WDR4: variants seen among roughly 807,000 people sequenced by gnomAD.
The protein encoded by WDR4 is WDR4 tRNA N7-guanosine methyltransferase non-catalytic subunit, also known as tRNA (guanine-N(7)-)-methyltransferase non-catalytic subunit WDR4.
A neutral mutation model predicts 48.6 loss-of-function variants in WDR4; 47 were observed. The observed-to-expected ratio is 0.97, with a 90% confidence interval of 0.77 to 1.23. The LOEUF (loss-of-function observed/expected upper bound fraction) is 1.23. Ranked by LOEUF, WDR4 falls within the 50% of genes most tolerant of loss-of-function variation. The pLI, the probability that WDR4 is intolerant of heterozygous loss-of-function variation, is 0.00. For synonymous variants in WDR4, 268 were observed against 230.0 expected, an observed-to-expected ratio of 1.17 and a Z score of -1.49; for missense variants, 606 against 551.6, an observed-to-expected ratio of 1.10 and a Z score of -0.99.
intron 1 of WDR4, chr21:42,879,163 T>C: frequency 7.7e-7 from 1 of 1,306,366 alleles, no homozygotes; most frequent in Admixed American, 3.6e-5. Context: ...AGACCAGCCA[T>C]CTAGTGCAAG....
intron 9 of WDR4, among the ~76,000 whole-genome samples, chr21:42,853,071 CG>C (rs2057878192): frequency 6.6e-6 from 1 of 152,164 alleles, no homozygotes; most frequent in Non-Finnish European, 1.5e-5. Flanking sequence ...GGGTTCGCCC[CG>C]TCCCCCAGCA....
intron 6 of WDR4, among the ~76,000 whole-genome samples, chr21:42,857,768 G>T (rs896057285): frequency 1.3e-5 from 2 of 151,150 alleles, no homozygotes; most frequent in African/African-American, 4.9e-5. Flanking sequence ...ATTCCTAAAG[G>T]AGTAGAAATA....
At chr21:42,878,958 T>G (rs772812705) in intron 1 of WDR4, 6 of 991,686 alleles carry the variant, frequency 6.1e-6, no homozygotes, top group Non-Finnish European at 7.2e-6. Context: ...TGGAGGTCAG[T>G]GAGCTCGCAG....
chr21:42,863,447 A>G lies in WDR4; in HGVS notation c.446T>C (p.Leu149Ser). ...ACCACGTCCCCCACCTACCACATCT[A>G]ACAGCATAGACAGGTGCCCCAGCTC... ...RLELGHLSML[L>S]DVAVSPDDRF... Residue 149 changes from leucine (L) to serine (S), a missense_variant, in exon 4 of 11, where the codon TTA becomes TCA. Physicochemically the swap from Leu to Ser is moderately radical, Grantham distance 145 (BLOSUM62 -2). Transcript: ENST00000398208. 6.2e-7 allele frequency: 1 copy of G among 1,610,556 alleles called. No homozygotes were observed. Among genetic ancestry groups the G allele is most frequent in the Non-Finnish European group, 8.5e-7 (1 of 1,178,034 alleles).
intron 9 of WDR4, 21 bp downstream of exon 9, chr21:42,853,548 C>G: frequency 6.2e-6 from 10 of 1,600,002 alleles, no homozygotes; most frequent in Non-Finnish European, 8.5e-6. Context: ...CATAGGACAT[C>G]TGGAAGGTGC....
At chr21:42,877,051 A>G (rs1025938836) in intron 1 of WDR4, among the ~76,000 whole-genome samples, 1 of 151,558 alleles carries the variant, frequency 6.6e-6, no homozygotes, top group African/African-American at 2.4e-5. Context: ...CCCCAACCTC[A>G]GGTGATCCAC....
At chr21:42,892,528 C>CTG in the WDR4 span, among the ~76,000 whole-genome samples, 2 of 147,564 alleles carry the variant, frequency 1.4e-5, no homozygotes, top group Middle Eastern at 6.8e-3. Flanking sequence ...ATTTAAATGA[C>CTG]TGTGGCAGGG....
chr21:42,874,028 A>G (rs533027654), intron 2 of WDR4, among the ~76,000 whole-genome samples: 1 of 152,238 alleles, frequency 6.6e-6, no homozygotes, highest in Non-Finnish European at 1.5e-5. Flanking sequence ...AACAATACTA[A>G]TAACAGGCCA....
upstream of WDR4, chr21:42,879,880 A>G (rs2058593095): frequency 2.5e-6 from 1 of 400,900 alleles, no homozygotes; most frequent in Non-Finnish European, 4.4e-6. Flanking sequence ...ATGATCCTTC[A>G]AGAAGTGAAT....
intron 3 of WDR4, among the ~76,000 whole-genome samples, chr21:42,872,797 C>T (rs1184368347): frequency 6.6e-6 from 1 of 151,854 alleles, no homozygotes; most frequent in South Asian, 2.1e-4. Flanking sequence ...ATTAGCCGGG[C>T]ATGGTGGCAA....
At chr21:42,878,978 C>T (rs2058565106) in intron 1 of WDR4, 3 of 999,360 alleles carry the variant, frequency 3.0e-6, no homozygotes, top group Non-Finnish European at 2.4e-6. Context: ...GTGAGTAAGC[C>T]CCTCCCTTCT....
At chr21:42,875,294 G>A (rs1023537944) in intron 2 of WDR4, among the ~76,000 whole-genome samples, 7 of 152,084 alleles carry the variant, frequency 4.6e-5, no homozygotes, top group African/African-American at 1.7e-4. Flanking sequence ...CCTCACACCT[G>A]TAATCCCAGC....
chr21:42,852,144 CTCTT>C, intron 10 of WDR4, 107 bp downstream of exon 10: 1 of 1,150,656 alleles, frequency 8.7e-7, no homozygotes, highest in Non-Finnish European at 1.3e-6. Context: ...CTTACTCTCC[CTCTT>C]TATCTGCACA....
At chr21:42,868,747 C>T (rs913233823) in intron 3 of WDR4, among the ~76,000 whole-genome samples, 7 of 152,244 alleles carry the variant, frequency 4.6e-5, no homozygotes, top group African/African-American at 1.7e-4. Flanking sequence ...AAGTCAGCCA[C>T]CCCCACAGCA....
intron 1 of WDR4, among the ~76,000 whole-genome samples, chr21:42,877,372 G>T (rs900282174): frequency 6.8e-6 from 1 of 147,942 alleles, no homozygotes; most frequent in Non-Finnish European, 1.5e-5. Context: ...TCAAGCTCCT[G>T]ACCTCAGATG....
chr21:42,855,688 G>A lies in WDR4; in HGVS notation c.720C>T (p.Ala240=), dbSNP rs1430864214. Reference sequence around the variant, plus strand: ...AGTGAACAGAAGCAGCTACCTGGGGGGCCTGGGGGTCCACCAGCTCCTGCA... The same window carrying A: ...AGTGAACAGAAGCAGCTACCTGGGGAGCCTGGGGGTCCACCAGCTCCTGCA... ...ASLQELVDPQ[A]PQKFAASRIA... is the part of the protein sequence containing the mutation. The change falls in exon 7 of 11, where the codon GCC becomes GCT. Residue 240 remains alanine, a synonymous_variant. Transcript: ENST00000398208. 1 of 1,551,570 alleles carries A rather than the reference G, an allele frequency of 6.4e-7. No individual in the cohort carries two copies. The highest frequency in any genetic ancestry group is 8.7e-7 in the Non-Finnish European group (1 of 1,146,594).
At chr21:42,889,915 T>C in the WDR4 span, among the ~76,000 whole-genome samples, 2 of 152,104 alleles carry the variant, frequency 1.3e-5, no homozygotes, top group Admixed American at 1.3e-4. Context: ...TTATTACTTG[T>C]GTTTTAAAAC....
At chr21:42,876,842 G>T in intron 1 of WDR4, 75 bp from the exon 2 acceptor site, 1 of 1,391,942 alleles carries the variant, frequency 7.2e-7, no homozygotes, top group Non-Finnish European at 9.8e-7. Flanking sequence ...TTTTGAGACG[G>T]AGTTTCGCTC....
chr21:42,863,916 C>T (rs1445032322), intron 3 of WDR4, among the ~76,000 whole-genome samples: 1 of 87,882 alleles, frequency 1.1e-5, no homozygotes, highest in Non-Finnish European at 2.2e-5. Flanking sequence ...ACCATTCTGG[C>T]TAACACGGTG....
Sources: gnomAD v4.1 joint callset for allele counts (sites outside exome capture counted in the v4.1 genomes callset) on GRCh38, gnomAD v4.1.1 for gene constraint, MANE v1.5 for transcripts, NCBI Gene and HGNC (gene_info 2026-07-23, HGNC 2026-07-21) for gene names.